Variants in PACRG observed in about 807,000 individuals in gnomAD.
The protein encoded by PACRG is parkin coregulated gene protein.
PACRG carries 29 observed loss-of-function variants against 29.7 expected under a neutral mutation model. The observed-to-expected ratio is 0.98, with a 90% CI of 0.73 to 1.33. The LOEUF (loss-of-function observed/expected upper bound fraction) is 1.33. PACRG is among the 40% of genes most tolerant of loss of function. The pLI, the probability that PACRG is intolerant of heterozygous loss-of-function variation, is 0.00. For synonymous variants in PACRG, 116 were observed against 118.7 expected (o/e 0.98, Z 0.15); for missense variants, 279 against 316.2 (o/e 0.88, Z 0.89).
At chr6:162,996,533 C>T (rs1471123770) in intron 2 of PACRG, among the ~76,000 whole-genome samples, 1 of 152,006 alleles carries the variant, frequency 6.6e-6, no homozygotes, top group Non-Finnish European at 1.5e-5. Flanking sequence ...ATGAAACATT[C>T]CACCAAACTA....
intron 2 of PACRG, among the ~76,000 whole-genome samples, chr6:162,880,804 T>G (rs1057338016): frequency 3.9e-5 from 6 of 152,318 alleles, no homozygotes; most frequent in Admixed American, 1.3e-4. Context: ...ACCCTAAAAC[T>G]ACACATCGCT....
intron 2 of PACRG, among the ~76,000 whole-genome samples, chr6:162,933,974 G>T (rs1428398831): frequency 6.6e-6 from 1 of 152,066 alleles, no homozygotes; most frequent in Non-Finnish European, 1.5e-5. Flanking sequence ...ATAAGAATGA[G>T]AACTCACAAC....
intron 2 of PACRG, among the ~76,000 whole-genome samples, chr6:162,924,834 T>C (rs1797315106): frequency 6.6e-6 from 1 of 151,950 alleles, no homozygotes; most frequent in South Asian, 2.1e-4. Flanking sequence ...CTGAAGGAGA[T>C]AGAGATACGA....
chr6:162,833,248 T>A (rs758905628), intron 2 of PACRG, among the ~76,000 whole-genome samples: 2 of 152,204 alleles, frequency 1.3e-5, no homozygotes, highest in Admixed American at 6.5e-5. Flanking sequence ...GCTAACTTGA[T>A]CTCAGCTCTC....
At chr6:162,892,039 C>G (rs938615078) in intron 2 of PACRG, 1 of 152,456 alleles carries the variant, frequency 6.6e-6, no homozygotes, top group Non-Finnish European at 1.5e-5. Flanking sequence ...CAAGGCCCCC[C>G]CTGCTCCTGG....
At chr6:162,799,368 C>T (rs1012378461) in intron 1 of PACRG, among the ~76,000 whole-genome samples, 1 of 151,966 alleles carries the variant, frequency 6.6e-6, no homozygotes, top group Non-Finnish European at 1.5e-5. Context: ...CTTTCATGGT[C>T]GAATAGACTG....
intron 2 of PACRG, among the ~76,000 whole-genome samples, chr6:162,976,166 G>A (rs6937804): frequency 0.57 from 86,002 of 152,082 alleles, 24,620 homozygotes; most frequent in East Asian, 0.78. Flanking sequence ...GACAAGGCGA[G>A]AAGGGATGTT....
chr6:163,148,084 C>T (rs1434575589), intron 4 of PACRG, among the ~76,000 whole-genome samples: 1 of 152,186 alleles, frequency 6.6e-6, no homozygotes, highest in African/African-American at 2.4e-5. Context: ...CTGTAATCCA[C>T]CTGCAGACGT....
intron 2 of PACRG, among the ~76,000 whole-genome samples, chr6:163,020,134 C>G (rs1367500028): frequency 6.6e-6 from 1 of 152,244 alleles, no homozygotes; most frequent in Non-Finnish European, 1.5e-5. Flanking sequence ...ATAATACTTT[C>G]AGTCTCTACC....
At chr6:163,080,777 A>T (rs1813004865) in intron 3 of PACRG, among the ~76,000 whole-genome samples, 1 of 152,238 alleles carries the variant, frequency 6.6e-6, no homozygotes, top group African/African-American at 2.4e-5. Context: ...CAAAACTTTG[A>T]TGGAAAATCT....
chr6:163,289,962 C>T (rs546050507), intron 4 of PACRG, among the ~76,000 whole-genome samples: 1 of 152,288 alleles, frequency 6.6e-6, no homozygotes, highest in East Asian at 1.9e-4. Flanking sequence ...ATTCTCCTGC[C>T]TCAGCCTCCC....
chr6:162,896,009 TA>T (rs1203270465), intron 2 of PACRG, among the ~76,000 whole-genome samples: 2 of 152,146 alleles, frequency 1.3e-5, no homozygotes, highest in African/African-American at 4.8e-5. Flanking sequence ...CAGAGTGTAT[TA>T]AAAAAATAGT....
intron 4 of PACRG, among the ~76,000 whole-genome samples, chr6:163,313,589 T>C (rs546721647): frequency 6.6e-6 from 1 of 152,342 alleles, no homozygotes; most frequent in South Asian, 2.1e-4. Flanking sequence ...TCTATTATTT[T>C]CACATTCAAA....
intron 2 of PACRG, among the ~76,000 whole-genome samples, chr6:163,038,242 A>C (rs1434919814): frequency 6.6e-6 from 1 of 152,200 alleles, no homozygotes; most frequent in Non-Finnish European, 1.5e-5. Flanking sequence ...TTTCATAAAG[A>C]ATAAAAAGAT....
chr6:162,874,149 A>AAAAAT (rs1554296135), intron 2 of PACRG, among the ~76,000 whole-genome samples: 4 of 107,916 alleles, frequency 3.7e-5, no homozygotes, highest in African/African-American at 1.0e-4. Context: ...TAAAAAAAAA[A>AAAAAT]AAATATATAT....
intron 4 of PACRG, among the ~76,000 whole-genome samples, chr6:163,265,575 A>G (rs973384071): frequency 6.6e-6 from 1 of 152,250 alleles, no homozygotes; most frequent in African/African-American, 2.4e-5. Context: ...ATGTATATAT[A>G]ATAAGCATAT....
chr6:163,073,766 G>A (rs1302773889), intron 3 of PACRG, among the ~76,000 whole-genome samples: 1 of 152,084 alleles, frequency 6.6e-6, no homozygotes, highest in Non-Finnish European at 1.5e-5. Flanking sequence ...TTTAAAATAA[G>A]CAAAATATCT....
intron 4 of PACRG, among the ~76,000 whole-genome samples, chr6:163,119,536 C>T (rs1269348608): frequency 2.0e-5 from 3 of 152,134 alleles, no homozygotes; most frequent in Admixed American, 2.0e-4. Flanking sequence ...AACAGCTCAA[C>T]GTCATGCAGG....
intron 4 of PACRG, among the ~76,000 whole-genome samples, chr6:163,301,924 A>G (rs1307736870): frequency 6.6e-6 from 1 of 152,210 alleles, no homozygotes; most frequent in Non-Finnish European, 1.5e-5. Flanking sequence ...GTTCAACAAG[A>G]GCACGCCTCC....
Sources: gnomAD v4.1 joint callset for allele counts (sites outside exome capture counted in the v4.1 genomes callset) on GRCh38, gnomAD v4.1.1 for gene constraint, MANE v1.5 for transcripts, NCBI Gene and HGNC (gene_info 2026-07-23, HGNC 2026-07-21) for gene names.